C1orf159: variants seen among roughly 807,000 people sequenced by gnomAD.
The protein encoded by C1orf159 is uncharacterized protein C1orf159.
Under a neutral mutation model 25.6 loss-of-function variants are expected in C1orf159, and 19 were observed. That is an observed-to-expected ratio of 0.74 (90% CI 0.52 to 1.09). C1orf159 has a LOEUF of 1.09. Among genes scored for constraint, C1orf159 ranks in the 50% least tolerant of loss-of-function variants. The probability of loss-of-function intolerance (pLI) is 0.00; values close to 1 mark genes in which losing one functional copy is unlikely to be tolerated. For synonymous variants in C1orf159, 139 were observed against 124.7 expected (o/e 1.12, Z -0.77); for missense variants, 274 against 290.6 (o/e 0.94, Z 0.42).
At chr1:1,111,605 C>T (rs1186161610) in intron 1 of C1orf159, among the ~76,000 whole-genome samples, 1 of 152,130 alleles carries the variant, frequency 6.6e-6, no homozygotes, top group Admixed American at 6.6e-5. Flanking sequence ...AAATAAGTAA[C>T]ATCTTGCAAA....
In C1orf159 at chr1:1,086,091, T is replaced by C. The variant is rs564924629; in HGVS notation, c.311-79A>G. On this transcript the variant is annotated intron_variant, in intron 6 of 9. Transcript: ENST00000421241. Reference sequence around the variant, plus strand: ...CCTGGCCCCCGGTGCCCCCTGCACATGGCAGATGCGCTGCTCTCTGAACAT... The same window carrying C: ...CCTGGCCCCCGGTGCCCCCTGCACACGGCAGATGCGCTGCTCTCTGAACAT... 117 of 1,530,652 alleles carry C rather than the reference T, an allele frequency of 7.6e-5. 1 individual carries two copies. The South Asian group carries it at 1.2e-3, about 15-fold the overall frequency. 94.8% of individuals were successfully genotyped at this position (1,530,652 alleles called of 1,614,324 possible).
At chr1:1,084,129 G>A (rs746399891) in intron 9 of C1orf159, 2 of 1,558,352 alleles carry the variant, frequency 1.3e-6, no homozygotes, top group South Asian at 1.2e-5. Flanking sequence ...GGATTAAAGG[G>A]GGGCGGGCAG....
Position 1,091,852 on chromosome 1 carries a change from T to C in C1orf159, c.-23+139A>G, listed in dbSNP as rs1238353375. 4 of 469,132 alleles carry C rather than the reference T, an allele frequency of 8.5e-6. No homozygotes were observed. In the East Asian group the frequency reaches 1.8e-4, roughly 21 times the overall value. 29.1% of individuals were successfully genotyped at this position (469,132 alleles called of 1,614,324 possible). ...GCGGGGCCGCGGCAGATGACTGAGT[T>C]AAATGGAGATGGGGCAGGGCCGTGG... On this transcript the variant is annotated intron_variant, in intron 2 of 9. Coordinates refer to ENST00000421241, the MANE Select transcript of C1orf159 (RefSeq NM_017891.5).
At chr1:1,111,410 T>C (rs1372630020) in intron 1 of C1orf159, among the ~76,000 whole-genome samples, 1 of 151,070 alleles carries the variant, frequency 6.6e-6, no homozygotes, top group Non-Finnish European at 1.5e-5. Context: ...TGACGTATAC[T>C]TGTGGTCCCA....
intron 3 of C1orf159, chr1:1,090,695 G>GGC: frequency 1.4e-6 from 1 of 709,598 alleles, no homozygotes; most frequent in Non-Finnish European, 2.4e-6. Context: ...ACCCCCAGGA[G>GGC]GCGGCACCCG....
At chr1:1,088,231 C>T (rs1274086015) in intron 4 of C1orf159, among the ~76,000 whole-genome samples, 2 of 95,468 alleles carry the variant, frequency 2.1e-5, no homozygotes, top group Non-Finnish European at 4.3e-5. Context: ...ACAGGACCCC[C>T]GCATGCCTCC....
chr1:1,110,408 C>T lies in C1orf159; in HGVS notation c.-136+5652G>A, dbSNP rs995855716. ...AAGAATGGGAGATAGTCACAGTACA[C>T]GTACCAGACAAAAGCCCTGAATATG... On this transcript the variant is annotated intron_variant, in intron 1 of 9. Transcript: ENST00000421241. The surrounding 1 kb of genome is among the most constrained non-coding windows in gnomAD (Gnocchi z 4.8). Among the ~76,000 whole-genome samples the T allele has an allele frequency of 6.6e-5, 10 of 152,142 alleles. No individual in the cohort carries two copies. Among genetic ancestry groups the T allele is most frequent in the Admixed American group, 2.0e-4 (3 of 15,274 alleles).
chr1:1,092,465 T>G (rs74048006), intron 1 of C1orf159: 41,077 of 154,202 alleles, frequency 0.27, 6,958 homozygotes, highest in African/African-American at 0.49. Context: ...ACAGGACCTG[T>G]TACCATGGCC....
chr1:1,104,222 C>T (rs1646140048), intron 1 of C1orf159, among the ~76,000 whole-genome samples: 1 of 152,140 alleles, frequency 6.6e-6, no homozygotes, highest in African/African-American at 2.4e-5. Context: ...CTCCTGACCT[C>T]GTGATCCACC....
Position 1,084,402 on chromosome 1 carries a change from G to A in C1orf159, c.472-19C>T. ...TTGCAGCCTTGAAAAGGAGAGAAAG[G>A]CAGAGTGAGGACTCGGGATGGCCTG... On this transcript the variant is annotated intron_variant, in intron 8 of 9. Transcript: ENST00000421241. 1 of 1,581,408 alleles carries A rather than the reference G, an allele frequency of 6.3e-7. No homozygotes were observed. Among genetic ancestry groups the A allele is most frequent in the Non-Finnish European group, 8.6e-7 (1 of 1,163,596 alleles).
intron 4 of C1orf159, among the ~76,000 whole-genome samples, chr1:1,088,933 G>A (rs1366314367): frequency 6.6e-6 from 1 of 152,194 alleles, no homozygotes; most frequent in Non-Finnish European, 1.5e-5. Flanking sequence ...AGCACTGGGG[G>A]CAGCCTCTGT....
At chr1:1,099,161 T>C (rs1646053763) in intron 1 of C1orf159, among the ~76,000 whole-genome samples, 1 of 152,106 alleles carries the variant, frequency 6.6e-6, no homozygotes, top group African/African-American at 2.4e-5. Context: ...TCTATTATTC[T>C]AAGAATCGGA....
At chr1:1,098,277 G>A (rs1418377348) in intron 1 of C1orf159, among the ~76,000 whole-genome samples, 1 of 151,892 alleles carries the variant, frequency 6.6e-6, no homozygotes, top group Admixed American at 6.6e-5. Flanking sequence ...CACCATGCTG[G>A]CCAGGATAGT....
intron 2 of C1orf159, 94 bp downstream of exon 2, chr1:1,091,897 C>A: frequency 2.2e-6 from 1 of 459,734 alleles, no homozygotes; most frequent in Non-Finnish European, 4.3e-6. Context: ...AGGGCCACGA[C>A]AGGGAAGGTG....
At chr1:1,084,628 C>A (rs555656782) in intron 7 of C1orf159, 122 bp from the exon 8 acceptor site, 2 of 1,313,186 alleles carry the variant, frequency 1.5e-6, no homozygotes, top group Admixed American at 2.3e-5. Context: ...GCGGCGTCCT[C>A]GGAGCAGCAG....
At position 1,087,269 on chromosome 1, in the gene C1orf159, C is replaced by T. The variant is rs1278250214; in HGVS notation, c.245-65G>A. On this transcript the variant is annotated intron_variant, in intron 5 of 9. Transcript: ENST00000421241. This position sits in a 1 kb window ranked among gnomAD's most constrained non-coding sequence, Gnocchi z 8.3. ...AGCCCACGGGGACACCCACGTGCAC[C>T]CTGAAGGGATCTCAGGACGGAAATA... 6.9e-7 allele frequency: 1 copy of T among 1,459,788 alleles called. No homozygotes were observed. The highest frequency in any genetic ancestry group is 2.1e-5 in the Admixed American group (1 of 48,464). 90.4% of individuals were successfully genotyped at this position (1,459,788 alleles called of 1,614,324 possible).
intron 4 of C1orf159, 61 bp downstream of exon 4, chr1:1,090,292 G>T: frequency 6.7e-7 from 1 of 1,485,260 alleles, no homozygotes; most frequent in African/African-American, 1.4e-5. Flanking sequence ...AGGGCCCTGG[G>T]CACACACACA....
At chr1:1,090,461 G>T (rs760202921) in intron 3 of C1orf159, 33 bp from the exon 4 acceptor site, 1 of 1,547,534 alleles carries the variant, frequency 6.5e-7, no homozygotes, top group South Asian at 1.2e-5. Flanking sequence ...ACTCCAGGAC[G>T]CGCCTGCCAG....
chr1:1,109,903 G>T (rs1646234466), intron 1 of C1orf159, among the ~76,000 whole-genome samples: 1 of 152,234 alleles, frequency 6.6e-6, no homozygotes, highest in Non-Finnish European at 1.5e-5. Context: ...GGCCAGTGGT[G>T]TCTTATCAGG....
Sources: allele counts gnomAD v4.1 joint callset (sites outside exome capture counted in the v4.1 genomes callset), GRCh38; gene constraint gnomAD v4.1.1; non-coding constraint Gnocchi (gnomAD v3.1); transcripts MANE v1.5; gene names NCBI Gene and HGNC (gene_info 2026-07-23, HGNC 2026-07-21).